FKBP5: variants seen among roughly 807,000 people sequenced by gnomAD.
FKBP5 encodes the protein peptidyl-prolyl cis-trans isomerase FKBP5.
FKBP5 carries 23 observed loss-of-function variants against 50.5 expected under a neutral mutation model. The observed-to-expected ratio is 0.46, with a 90% CI of 0.33 to 0.65. The LOEUF is 0.65. Ranked by LOEUF, FKBP5 falls within the 30% of genes least tolerant of loss-of-function variation. FKBP5 has a pLI of 0.02. For synonymous variants in FKBP5, 176 were observed against 190.6 expected (o/e 0.92, Z 0.63); for missense variants, 411 against 553.1 (o/e 0.74, Z 2.58).
chr6:35,621,183 A>C (rs909607630), intron 3 of FKBP5, among the ~76,000 whole-genome samples: 1 of 152,252 alleles, frequency 6.6e-6, no homozygotes, highest in Non-Finnish European at 1.5e-5. Context: ...AACTAAGTTA[A>C]ATTTACTGCT....
rs1045187804 is a variant in FKBP5 at position 35,717,552 on chromosome 6, C to T, written c.-20+2776G>A. On this transcript the variant is annotated intron_variant, in intron 2 of 11. Coordinates refer to the FKBP5 transcript ENST00000536438. ...CCTGTGTGTATGTGCAATGAATGTG[C>T]ACCTGTGGCAATGCACACCCATGGG... Among the ~76,000 whole-genome samples the T allele has an allele frequency of 4.6e-5, 7 of 152,358 alleles. 1 individual carries two copies. The highest frequency in any genetic ancestry group is 3.9e-4 in the Admixed American group (6 of 15,304).
intron 7 of FKBP5, among the ~76,000 whole-genome samples, chr6:35,587,607 C>A (rs900333125): frequency 3.9e-5 from 6 of 152,132 alleles, no homozygotes; most frequent in Non-Finnish European, 7.4e-5. Flanking sequence ...TCTAAAACAA[C>A]CAGATATACT....
At chr6:35,705,269 T>A (rs1766286842) in intron 2 of FKBP5, among the ~76,000 whole-genome samples, 2 of 16,758 alleles carry the variant, frequency 1.2e-4, no homozygotes, top group Non-Finnish European at 1.8e-4. Context: ...TTTTTTTTTT[T>A]TTTTTTTTTT....
chr6:35,626,313 C>G (rs1763997546), intron 3 of FKBP5, among the ~76,000 whole-genome samples: 1 of 151,992 alleles, frequency 6.6e-6, no homozygotes, highest in Non-Finnish European at 1.5e-5. Flanking sequence ...ATGCATTATA[C>G]TTTTTCTTCC....
intron 2 of FKBP5, among the ~76,000 whole-genome samples, chr6:35,716,704 C>T (rs1213123012): frequency 6.6e-6 from 1 of 152,192 alleles, no homozygotes; most frequent in African/African-American, 2.4e-5. Context: ...CTCTTGAGAT[C>T]TGGTAATTGG....
chr6:35,609,665 C>CT (rs1763432156), intron 5 of FKBP5, among the ~76,000 whole-genome samples: 1 of 152,130 alleles, frequency 6.6e-6, no homozygotes, highest in South Asian at 2.1e-4. Context: ...CTTCTAATTT[C>CT]TTTTTCACTT....
intron 5 of FKBP5, among the ~76,000 whole-genome samples, chr6:35,598,034 T>C (rs980561672): frequency 2.6e-5 from 4 of 152,218 alleles, no homozygotes. Context: ...CTACTATAAC[T>C]TCACAAATCA....
rs1176732292 is a variant in FKBP5, at chr6:35,581,091, A to G, written c.841-870T>C. 6 of 962,144 alleles carry G rather than the reference A, an allele frequency of 6.2e-6. No homozygotes were observed. In the East Asian group the frequency reaches 4.6e-4, roughly 74 times the overall value. 59.6% of individuals were successfully genotyped at this position (962,144 alleles called of 1,614,324 possible). ...TGCAGCTGTGTTTCAGTTAAACTGT[A>G]CTTACAAAAACAGGCAGGGACCAGA... On this transcript the variant is annotated intron_variant, in intron 8 of 10. Coordinates refer to ENST00000357266, the MANE Select transcript of FKBP5 (RefSeq NM_004117.4).
chr6:35,691,715 T>G (rs7768296), upstream of FKBP5, among the ~76,000 whole-genome samples: 390 of 152,304 alleles, frequency 2.6e-3, 1 homozygote, highest in African/African-American at 8.8e-3. Flanking sequence ...GAAACACATG[T>G]GCTTGCATTT....
chr6:35,592,170 T>C (rs746828540), intron 6 of FKBP5, among the ~76,000 whole-genome samples: 2 of 152,378 alleles, frequency 1.3e-5, no homozygotes, highest in Non-Finnish European at 2.9e-5. Flanking sequence ...ATATATGAAA[T>C]GGTATTACAA....
intron 1 of FKBP5, among the ~76,000 whole-genome samples, chr6:35,686,453 C>T (rs994617430): frequency 6.6e-6 from 1 of 151,868 alleles, no homozygotes; most frequent in South Asian, 2.1e-4. Flanking sequence ...AGAATAAGGA[C>T]AATAAACAAC....
rs571439116 is a variant in FKBP5 at position 35,680,078 on chromosome 6, G to A, written c.-20+8726C>T. Reference sequence around the variant, plus strand: ...CAGTTACTTCAAACATCTTCTACTCGACTATATGACCAAATAAAACAACTT... The same window carrying A: ...CAGTTACTTCAAACATCTTCTACTCAACTATATGACCAAATAAAACAACTT... On this transcript the variant is annotated intron_variant, in intron 1 of 10. Transcript: ENST00000357266. Among the ~76,000 whole-genome samples, 235 of 151,066 alleles carry A rather than the reference G, an allele frequency of 1.6e-3. 8 individuals are homozygous for A. In the South Asian group the frequency reaches 0.047, roughly 30 times the overall value.
chr6:35,696,030 A>G (rs931737900), intron 2 of FKBP5, among the ~76,000 whole-genome samples: 16 of 151,724 alleles, frequency 1.1e-4, no homozygotes, highest in African/African-American at 3.2e-4. Flanking sequence ...CTGTAGTCCC[A>G]GCTACTAGGG....
chr6:35,696,099 C>T (rs1479240529), intron 2 of FKBP5, among the ~76,000 whole-genome samples: 6 of 140,074 alleles, frequency 4.3e-5, no homozygotes, highest in Non-Finnish European at 9.0e-5. Flanking sequence ...GAACCGAGAT[C>T]GTGCCACTGC....
chr6:35,635,574 T>G (rs1348688368), intron 3 of FKBP5, among the ~76,000 whole-genome samples: 1 of 152,208 alleles, frequency 6.6e-6, no homozygotes, highest in Non-Finnish European at 1.5e-5. Context: ...CCAAAGAACT[T>G]GTTTATTTGA....
chr6:35,577,303 T>C lies in FKBP5; in HGVS notation c.1027-70A>G. ...AATTCAGTAAACAGCTTACCAAAGTTCTCTTGCCAAAGGAGATGGAAAAAG... is the reference window on the plus strand; with the variant it reads ...AATTCAGTAAACAGCTTACCAAAGTCCTCTTGCCAAAGGAGATGGAAAAAG... On this transcript the variant is annotated intron_variant, in intron 9 of 10. Coordinates refer to ENST00000357266, the MANE Select transcript of FKBP5 (RefSeq NM_004117.4). 2 of 1,401,192 alleles carry C rather than the reference T, an allele frequency of 1.4e-6. 1 individual carries two copies. Among genetic ancestry groups the C allele is most frequent in the African/African-American group, 2.9e-5 (2 of 69,546 alleles). 86.8% of individuals were successfully genotyped at this position (1,401,192 alleles called of 1,614,324 possible).
chr6:35,646,851 C>T (rs1050936577), intron 1 of FKBP5, among the ~76,000 whole-genome samples: 22 of 152,192 alleles, frequency 1.4e-4, no homozygotes, highest in African/African-American at 5.1e-4. Flanking sequence ...CAGCAAACAC[C>T]TGAGACATAA....
intron 3 of FKBP5, among the ~76,000 whole-genome samples, chr6:35,623,569 T>A (rs958876216): frequency 6.6e-6 from 1 of 151,774 alleles, no homozygotes; most frequent in Non-Finnish European, 1.5e-5. Context: ...AATGGCTACA[T>A]CACTTTTTTT....
At chr6:35,583,198 T>C in intron 8 of FKBP5, 1 of 985,394 alleles carries the variant, frequency 1.0e-6, no homozygotes, top group Non-Finnish European at 1.2e-6. Context: ...GACAGGCATT[T>C]CCCCTGTCAT....
Sources: allele counts gnomAD v4.1 joint callset (sites outside exome capture counted in the v4.1 genomes callset), GRCh38; gene constraint gnomAD v4.1.1; transcripts MANE v1.5; gene names NCBI Gene and HGNC (gene_info 2026-07-23, HGNC 2026-07-21).